ZNG1B: variants seen among roughly 807,000 people sequenced by gnomAD.
ZNG1B encodes zinc-regulated GTPase metalloprotein activator 1B.
chr2:113,464,107 A>T, the ZNG1B span, among the ~76,000 whole-genome samples: 1 of 127,392 alleles, frequency 7.8e-6, no homozygotes, highest in African/African-American at 2.9e-5. Context: ...GACAATATTG[A>T]CTATTAGCCA....
chr2:113,495,207 T>C, the ZNG1B span: 1 of 1,509,252 alleles, frequency 6.6e-7, no homozygotes, highest in Non-Finnish European at 8.9e-7. Flanking sequence ...TCCAGTGAGC[T>C]GGAAGGATGA....
the ZNG1B span, chr2:113,441,219 A>G: frequency 1.5e-6 from 2 of 1,367,928 alleles, no homozygotes; most frequent in Non-Finnish European, 9.8e-7. Context: ...CTTATCCTCT[A>G]GGATATTCTA....
the ZNG1B span, among the ~76,000 whole-genome samples, chr2:113,449,961 G>A: frequency 1.3e-5 from 2 of 148,958 alleles, no homozygotes; most frequent in Admixed American, 1.3e-4. Context: ...AACTTGTTTG[G>A]GAACACTTTC....
chr2:113,483,881 A>G, the ZNG1B span, among the ~76,000 whole-genome samples: 2 of 152,280 alleles, frequency 1.3e-5, no homozygotes, highest in Non-Finnish European at 2.9e-5. Flanking sequence ...AATAGGGCAT[A>G]TCTATATTTT....
chr2:113,446,336 T>G, the ZNG1B span, among the ~76,000 whole-genome samples: 2 of 152,188 alleles, frequency 1.3e-5, no homozygotes, highest in African/African-American at 4.8e-5. Flanking sequence ...GCTTCTAACT[T>G]TCTTTACAAT....
At chr2:113,482,004 A>T in the ZNG1B span, 2 of 939,250 alleles carry the variant, frequency 2.1e-6, no homozygotes, top group Non-Finnish European at 3.1e-6. Context: ...AAAAAAACTT[A>T]ATCTGCCAGC....
chr2:113,442,524 C>A, the ZNG1B span, among the ~76,000 whole-genome samples: 1 of 152,126 alleles, frequency 6.6e-6, no homozygotes, highest in Non-Finnish European at 1.5e-5. Flanking sequence ...GCTTTTTAGG[C>A]AAAAATCCTG....
the ZNG1B span, among the ~76,000 whole-genome samples, chr2:113,479,594 C>T: frequency 1.3e-5 from 2 of 152,192 alleles, no homozygotes; most frequent in South Asian, 2.1e-4. Flanking sequence ...ACTTTTCTCT[C>T]GATGATCCTT....
chr2:113,487,550 C>T, the ZNG1B span, among the ~76,000 whole-genome samples: 2 of 151,490 alleles, frequency 1.3e-5, no homozygotes, highest in African/African-American at 2.4e-5. Context: ...CTCCCTCTAA[C>T]CCCTGGTAAC....
the ZNG1B span, among the ~76,000 whole-genome samples, chr2:113,490,114 C>A: frequency 6.6e-6 from 1 of 150,944 alleles, no homozygotes; most frequent in African/African-American, 2.4e-5. Context: ...TGATAGCCAA[C>A]AAAATGAGCC....
At chr2:113,489,260 C>T in the ZNG1B span, among the ~76,000 whole-genome samples, 1 of 151,334 alleles carries the variant, frequency 6.6e-6, no homozygotes, top group African/African-American at 2.4e-5. Flanking sequence ...CAAAACTAAG[C>T]TTCATATATG....
the ZNG1B span, among the ~76,000 whole-genome samples, chr2:113,492,468 C>G: frequency 1.2e-5 from 1 of 86,026 alleles, no homozygotes. Context: ...ATAAGAATGA[C>G]ACAATGAACT....
the ZNG1B span, among the ~76,000 whole-genome samples, chr2:113,438,482 G>A: frequency 3.3e-5 from 5 of 152,214 alleles, no homozygotes; most frequent in East Asian, 9.7e-4. Flanking sequence ...CCTTCCCCAC[G>A]AGCCAAAGTC....
At chr2:113,454,489 T>A in the ZNG1B span, among the ~76,000 whole-genome samples, 38 of 150,684 alleles carry the variant, frequency 2.5e-4, no homozygotes, top group African/African-American at 9.0e-4. Context: ...TTATTTAATT[T>A]AAAATTTTTA....
chr2:113,441,914 A>G, the ZNG1B span, among the ~76,000 whole-genome samples: 1 of 151,980 alleles, frequency 6.6e-6, no homozygotes, highest in Non-Finnish European at 1.5e-5. Context: ...TAATTTTTGT[A>G]TTTTTAGTAG....
At chr2:113,443,011 C>T in the ZNG1B span, among the ~76,000 whole-genome samples, 3 of 151,324 alleles carry the variant, frequency 2.0e-5, no homozygotes, top group East Asian at 3.9e-4. Context: ...CTGTGTTGCC[C>T]AGGCTGGAGT....
At chr2:113,473,885 T>C in the ZNG1B span, among the ~76,000 whole-genome samples, 2 of 138,456 alleles carry the variant, frequency 1.4e-5, no homozygotes. Flanking sequence ...TGGATTCGGT[T>C]TGCCAGTATT....
At chr2:113,472,322 G>C in the ZNG1B span, among the ~76,000 whole-genome samples, 1 of 152,072 alleles carries the variant, frequency 6.6e-6, no homozygotes, top group African/African-American at 2.4e-5. Context: ...CCCACTTTTT[G>C]ATGGGGTTGT....
At chr2:113,456,179 ACTC>A in the ZNG1B span, among the ~76,000 whole-genome samples, 1 of 150,990 alleles carries the variant, frequency 6.6e-6, no homozygotes, top group African/African-American at 2.4e-5. Context: ...TTGGAAGAAA[ACTC>A]CTTTTTTAGA....
Sources: allele counts gnomAD v4.1 joint callset (sites outside exome capture counted in the v4.1 genomes callset), GRCh38; gene constraint gnomAD v4.1.1; transcripts MANE v1.5; gene names NCBI Gene and HGNC (gene_info 2026-07-23, HGNC 2026-07-21).